The following TSC1 variants were observed in gnomAD, a reference collection of about 807,000 sequenced individuals.
TSC1 encodes TSC complex subunit 1, also known as hamartin.
TSC1 carries 20 observed loss-of-function variants against 124.3 expected under a neutral mutation model. The observed-to-expected ratio is 0.16, with a 90% CI of 0.11 to 0.23. The LOEUF (loss-of-function observed/expected upper bound fraction) is 0.23, where lower values mean the gene tolerates loss of function less well. Among genes scored for constraint, TSC1 ranks in the 10% least tolerant of loss-of-function variants. The probability of loss-of-function intolerance (pLI) is 1.00; values close to 1 mark genes in which losing one functional copy is unlikely to be tolerated. For missense variants in TSC1, 1,124 were observed against 1,448.5 expected (o/e 0.78, Z 3.64); for synonymous variants, 493 against 539.1 (o/e 0.91, Z 1.19).
chr9:132,928,952 A>T lies in TSC1; in HGVS notation c.-80T>A. 1.9e-6 allele frequency: 3 copies of T among 1,597,664 alleles called. No homozygotes were observed. The highest frequency in any genetic ancestry group is 4.5e-5 in the East Asian group (2 of 44,328). The stretch of plus-strand genomic sequence containing the variant: ...GGTTCTTCATTGGGGCCACTACCAA[A>T]CTGAGAAAAAGGAAGATGAACAGTC... On this transcript the variant is annotated splice_region_variant and 5_prime_UTR_variant, in exon 3 of 23. Transcript: ENST00000298552.
At position 132,897,487 on chromosome 9, in the gene TSC1, C is replaced by T. The variant is rs397514873; in HGVS notation, c.2749G>A (p.Ala917Thr). 1.2e-6 allele frequency: 2 copies of T among 1,613,942 alleles called. No homozygotes were observed. The highest frequency in any genetic ancestry group is 1.7e-5 in the Admixed American group (1 of 59,996). ...TCCAAAAGAAGGTGGTCTTTCTTGG[C>T]CAGGTGAGATTCCAGTTCCAAAATC... ...KRILELESHL[A>T]KKDHLLLEQK... is the part of the protein sequence containing the mutation. The change falls in exon 21 of 23, where the codon GCC becomes ACC. Residue 917 changes from alanine to threonine, a missense_variant. By Grantham distance (58) the Ala-to-Thr change is moderately conservative. Around this residue, in one of 5 missense-constraint regions of TSC1, gnomAD observed 325 missense variants for 383.4 expected, o/e 0.85. Transcript: ENST00000298552.
chr9:132,935,052 T>G lies in TSC1; in HGVS notation c.-100A>C. 2.5e-6 allele frequency: 1 copy of G among 399,098 alleles called. No homozygotes were observed. 24.7% of individuals were successfully genotyped at this position (399,098 alleles called of 1,614,324 possible). On this transcript the variant is annotated 5_prime_UTR_variant, in exon 2 of 23. Transcript: ENST00000298552. ...GCTTACCTGTTCTAGCGACAACTGG[T>G]ACTTCAGTTTCCAGTGCTGTCAACC...
At chr9:132,911,740 A>C (rs1845980297) in intron 9 of TSC1, among the ~76,000 whole-genome samples, 172 bp from the exon 10 acceptor site, 2 of 151,792 alleles carry the variant, frequency 1.3e-5, no homozygotes, top group African/African-American at 4.8e-5. Context: ...TTGGGGACAA[A>C]GTAACACTTC....
intron 2 of TSC1, among the ~76,000 whole-genome samples, chr9:132,929,296 AT>A (rs1349207396): frequency 1.3e-5 from 2 of 152,234 alleles, no homozygotes; most frequent in Non-Finnish European, 2.9e-5. Flanking sequence ...TATATTTCAA[AT>A]TATTGATCTA....
intron 20 of TSC1, among the ~76,000 whole-genome samples, chr9:132,898,658 T>C (rs1845212883): frequency 6.6e-6 from 1 of 152,200 alleles, no homozygotes; most frequent in Non-Finnish European, 1.5e-5. Context: ...ACAGGACTTA[T>C]TCATGGATAA....
Position 132,923,602 on chromosome 9 carries a change from G to A in TSC1, c.364-110C>T, listed in dbSNP as rs1034308732. 2 of 1,448,190 alleles carry A rather than the reference G, an allele frequency of 1.4e-6. No individual in the cohort carries two copies. The highest frequency in any genetic ancestry group is 1.9e-6 in the Non-Finnish European group (2 of 1,038,884). 89.7% of individuals were successfully genotyped at this position (1,448,190 alleles called of 1,614,324 possible). ...ACACTGAGAGAATCACAAATCACAA[G>A]TTGACTCACGTACTCATTTCCCTAT... On this transcript the variant is annotated intron_variant, in intron 5 of 22. Coordinates refer to ENST00000298552, the MANE Select transcript of TSC1 (RefSeq NM_000368.5). The surrounding 1 kb of genome is among the most constrained non-coding windows in gnomAD (Gnocchi z 4.2).
chr9:132,899,270 C>G (rs1209462834), intron 20 of TSC1: 1 of 152,260 alleles, frequency 6.6e-6, no homozygotes, highest in Non-Finnish European at 1.5e-5. Context: ...ATGCTCTCCT[C>G]TTCTGTGGGG....
At chr9:132,936,259 T>C (rs1340654084) in intron 1 of TSC1, among the ~76,000 whole-genome samples, 1 of 152,024 alleles carries the variant, frequency 6.6e-6, no homozygotes, top group East Asian at 1.9e-4. Context: ...GGAATACAGA[T>C]GCACTCCACC....
chr9:132,902,671 G>A lies in TSC1; in HGVS notation c.2325C>T (p.Leu775=), dbSNP rs1005558276. ...QEQRDTMVTK[L]HSQIRQLQHD... Reference sequence around the variant, plus strand: ...GCTGCAGCTGTCTGATCTGGCTGTGGAGCTTGGTTACCATAGTGTCACGCT... The same window carrying A: ...GCTGCAGCTGTCTGATCTGGCTGTGAAGCTTGGTTACCATAGTGTCACGCT... The change falls in exon 18 of 23, where the codon CTC becomes CTT. Residue 775 remains leucine (L), a synonymous_variant. Transcript: ENST00000298552. The surrounding 1 kb of genome is among the most constrained non-coding windows in gnomAD (Gnocchi z 5.2). 6 of 1,614,064 alleles carry A rather than the reference G, an allele frequency of 3.7e-6. No homozygotes were observed. In the African/African-American group the frequency reaches 4.0e-5, roughly 11 times the overall value.
At chr9:132,900,252 C>CTAA in intron 20 of TSC1, 1 of 197,316 alleles carries the variant, frequency 5.1e-6, no homozygotes, top group Admixed American at 5.3e-5. Flanking sequence ...TGGTGAGGCA[C>CTAA]TAATTAATGT....
rs1050190497 is a variant in TSC1, at chr9:132,902,858, A to G, written c.2209-71T>C. On this transcript the variant is annotated intron_variant, in intron 17 of 22. Transcript: ENST00000298552. This position sits in a 1 kb window ranked among gnomAD's most constrained non-coding sequence, Gnocchi z 5.2. Reference sequence around the variant, plus strand: ...AGGCAATTTAACACACACTGCGAACATTTCATCTGAATAGTCATAAGCTAC... The same window carrying G: ...AGGCAATTTAACACACACTGCGAACGTTTCATCTGAATAGTCATAAGCTAC... The G allele has an allele frequency of 1.5e-5, 23 of 1,566,128 alleles. No individual in the cohort carries two copies. In the African/African-American group the frequency reaches 2.8e-4, roughly 19 times the overall value.
At position 132,921,553 on chromosome 9, in the gene TSC1, T is replaced by C. The variant is rs1002459777; in HGVS notation, c.664-117A>G. The C allele has an allele frequency of 8.0e-7, 1 of 1,242,620 alleles. No homozygotes were observed. The highest frequency in any genetic ancestry group is 1.2e-6 in the Non-Finnish European group (1 of 857,366). 77.0% of individuals were successfully genotyped at this position (1,242,620 alleles called of 1,614,324 possible). ...GTACTGATACATGTTATAACACAGATGGAACCTTGAGAACATTATACTGAG... is the reference window on the plus strand; with the variant it reads ...GTACTGATACATGTTATAACACAGACGGAACCTTGAGAACATTATACTGAG... On this transcript the variant is annotated intron_variant, in intron 7 of 22. Transcript: ENST00000298552. This position sits in a 1 kb window ranked among gnomAD's most constrained non-coding sequence, Gnocchi z 4.3.
chr9:132,901,476 G>A (rs2131699656), intron 19 of TSC1, 113 bp downstream of exon 19: 4 of 1,009,924 alleles, frequency 4.0e-6, no homozygotes, highest in East Asian at 4.8e-5. Context: ...ACCACTTCCT[G>A]TTGGGAACCC....
rs942047636 is a variant in TSC1 at position 132,921,741 on chromosome 9, C to T, written c.663+78G>A. ...TTCTTTTCAAAATTTCCCTGTCTGC[C>T]GTTAAATACAAAAGGTATAAATGCA... On this transcript the variant is annotated intron_variant, in intron 7 of 22. Coordinates refer to ENST00000298552, the MANE Select transcript of TSC1 (RefSeq NM_000368.5). This position sits in a 1 kb window ranked among gnomAD's most constrained non-coding sequence, Gnocchi z 4.3. 51 of 1,570,938 alleles carry T rather than the reference C, an allele frequency of 3.2e-5. No individual in the cohort carries two copies. The highest frequency in any genetic ancestry group is 2.1e-4 in the Middle Eastern group (1 of 4,770).
Position 132,928,955 on chromosome 9 carries a change from G to C in TSC1, c.-80-3C>G, listed in dbSNP as rs1024674664. ...TCTTCATTGGGGCCACTACCAAACT[G>C]AGAAAAAGGAAGATGAACAGTCACT... On this transcript the variant is annotated splice_polypyrimidine_tract_variant and splice_region_variant and intron_variant, in intron 2 of 22. Transcript: ENST00000298552. 6.3e-7 allele frequency: 1 copy of C among 1,591,454 alleles called. No individual in the cohort carries two copies. Among genetic ancestry groups the C allele is most frequent in the Admixed American group, 1.8e-5 (1 of 56,570 alleles).
Position 132,921,285 on chromosome 9 carries a change from C to T in TSC1, c.737+78G>A, listed in dbSNP as rs1375769193. ...AGAACATCTATATTCCCAAATATACCTCAACAGGGATTACCTCCTAGATCA... is the reference window on the plus strand; with the variant it reads ...AGAACATCTATATTCCCAAATATACTTCAACAGGGATTACCTCCTAGATCA... On this transcript the variant is annotated intron_variant, in intron 8 of 22. Coordinates refer to ENST00000298552, the MANE Select transcript of TSC1 (RefSeq NM_000368.5). This position sits in a 1 kb window ranked among gnomAD's most constrained non-coding sequence, Gnocchi z 4.3. 2.0e-6 allele frequency: 3 copies of T among 1,469,876 alleles called. No homozygotes were observed. The highest frequency in any genetic ancestry group is 2.8e-6 in the Non-Finnish European group (3 of 1,056,410). 91.1% of individuals were successfully genotyped at this position (1,469,876 alleles called of 1,614,324 possible).
chr9:132,900,347 ATGTACAGCACTC>A, intron 20 of TSC1: 2 of 302,284 alleles, frequency 6.6e-6, no homozygotes, highest in Non-Finnish European at 1.3e-5. Flanking sequence ...AAAAAATGGT[ATGTACAGCACTC>A]TATATCCATG....
At chr9:132,929,873 C>T (rs1847113538) in intron 2 of TSC1, among the ~76,000 whole-genome samples, 1 of 152,048 alleles carries the variant, frequency 6.6e-6, no homozygotes, top group Admixed American at 6.6e-5. Flanking sequence ...GAGGCAAAAC[C>T]AGAGGAGAAA....
chr9:132,893,361 C>T lies in TSC1; in HGVS notation c.*2874G>A, dbSNP rs111832812. ...GGTTTGTTTTTTTTCTATTCATGAC[C>T]ACGTGTTTCTTCCAATCCCATAATA... On this transcript the variant is annotated 3_prime_UTR_variant, in exon 23 of 23. Coordinates refer to ENST00000298552, the MANE Select transcript of TSC1 (RefSeq NM_000368.5). The T allele has an allele frequency of 1.1e-3, 268 of 233,110 alleles. No individual in the cohort carries two copies. The highest frequency in any genetic ancestry group is 4.1e-3 in the African/African-American group (188 of 45,402). 14.4% of individuals were successfully genotyped at this position (233,110 alleles called of 1,614,324 possible). A position where few individuals can be genotyped will look rare whatever the true frequency, so the allele number is the denominator to read the frequency against.
Sources: gnomAD v4.1 joint callset for allele counts (sites outside exome capture counted in the v4.1 genomes callset) on GRCh38, gnomAD v4.1.1 for gene constraint, gnomAD v4.1.1 regional missense constraint, Gnocchi (gnomAD v3.1) non-coding constraint, MANE v1.5 for transcripts, NCBI Gene and HGNC (gene_info 2026-07-23, HGNC 2026-07-21) for gene names.